ABCA2: variants seen among roughly 807,000 people sequenced by gnomAD.
The protein encoded by ABCA2 is ATP binding cassette subfamily A member 2, also known as ATP-binding cassette sub-family A member 2.
Under a neutral mutation model 262.8 loss-of-function variants are expected in ABCA2, and 84 were observed. The observed-to-expected ratio is 0.32, with a 90% confidence interval of 0.27 to 0.38. The LOEUF is 0.38. Among genes scored for constraint, ABCA2 ranks in the 10% least tolerant of loss-of-function variants. The pLI is 1.00. For missense variants in ABCA2, 2,662 were observed against 3,405.9 expected (o/e 0.78, Z 5.44); for synonymous variants, 1,696 against 1,502.9 (o/e 1.13, Z -2.97).
chr9:137,018,011 G>A lies in ABCA2; in HGVS notation c.2058C>T (p.Tyr686=), dbSNP rs770886822. The A allele has an allele frequency of 3.7e-6, 6 of 1,612,794 alleles. No homozygotes were observed. Among genetic ancestry groups the A allele is most frequent in the East Asian group, 2.2e-5 (1 of 44,876 alleles). Residue 686 remains tyrosine (Y), a synonymous_variant, in exon 15 of 49, where the codon TAC becomes TAT. Transcript: ENST00000341511. ...VGHDVVEPGS[Y]VQMFPYPCYT... is the part of the protein sequence containing the mutation. Reference sequence around the variant, plus strand: ...AGCAGGGGTAGGGGAACATCTGCACGTAGCTGCCTGGCTCCACCACATCGT... The same window carrying A: ...AGCAGGGGTAGGGGAACATCTGCACATAGCTGCCTGGCTCCACCACATCGT...
chr9:137,021,315 C>G lies in ABCA2; in HGVS notation c.897+77G>C. On this transcript the variant is annotated intron_variant, in intron 8 of 48. Coordinates refer to ENST00000341511, the MANE Select transcript of ABCA2 (RefSeq NM_001606.5). The surrounding 1 kb of genome is among the most constrained non-coding windows in gnomAD (Gnocchi z 6.0). ...ACAGCCTGGGCCCAGGAGCCCTGAG[C>G]TCTCCAAGCGGTCCCAGCCCCTCCT... The G allele has an allele frequency of 6.5e-7, 1 of 1,537,428 alleles. No homozygotes were observed. The highest frequency in any genetic ancestry group is 8.8e-7 in the Non-Finnish European group (1 of 1,138,348).
chr9:137,014,560 C>A lies in ABCA2; in HGVS notation c.4003+130G>T, dbSNP rs536901975. ...CACCCACCTAGGACCGCAGGCTAAC[C>A]CCGGGGCGTCCCCTGGCTTCCACCC... On this transcript the variant is annotated intron_variant, in intron 26 of 48. Transcript: ENST00000341511. 2.0e-5 allele frequency: 30 copies of A among 1,481,934 alleles called. No individual in the cohort carries two copies. The South Asian group carries it at 3.4e-4, about 17-fold the overall frequency. 91.8% of individuals were successfully genotyped at this position (1,481,934 alleles called of 1,614,324 possible).
Position 137,011,657 on chromosome 9 carries a change from G to A in ABCA2, c.5628C>T (p.Val1876=). The change falls in exon 36 of 49, where the codon GTC becomes GTT. Residue 1876 remains valine, a synonymous_variant. Coordinates refer to ENST00000341511, the MANE Select transcript of ABCA2 (RefSeq NM_001606.5). The surrounding 1 kb of genome is among the most constrained non-coding windows in gnomAD (Gnocchi z 8.8). ...AYTSPTNFPA[V]LSLFLLYGWS... ...ACCCATAGAGCAGGAAGAGGGAGAG[G>A]ACGGCAGGGAAGTTGGTGGGCGACG... The A allele has an allele frequency of 1.9e-6, 3 of 1,554,232 alleles. No individual in the cohort carries two copies.
rs1383063647 is a variant in ABCA2, at chr9:137,010,108, G to A, written c.6370C>T (p.Leu2124Phe). The change falls in exon 42 of 49, where the codon CTC (leucine) becomes TTC (phenylalanine). Residue 2124 changes from leucine to phenylalanine, a missense_variant. By Grantham distance (22) the Leu-to-Phe change is conservative. This residue lies in a region of ABCA2 where 602 missense variants were observed against 897.4 expected (regional missense o/e 0.67). Transcript: ENST00000341511. ...VNGHSVLKEL[L>F]QVQQSLGYCP... ...TAGCCGAGGCTCTGCTGCACCTGGA[G>A]CAGCTCCTTCAGCACGCTGGGGACA... The A allele has an allele frequency of 6.3e-7, 1 of 1,595,682 alleles. No individual in the cohort carries two copies. The highest frequency in any genetic ancestry group is 1.1e-5 in the South Asian group (1 of 90,068).
rs761099439 is a variant in ABCA2 at position 137,022,778 on chromosome 9, G to A, written c.363C>T (p.Leu121=). The A allele has an allele frequency of 4.4e-6, 7 of 1,600,054 alleles. No individual in the cohort carries two copies. The highest frequency in any genetic ancestry group is 2.3e-5 in the East Asian group (1 of 44,296). The part of the protein sequence containing the change: ...DPARPSLGSE[L]EALRQHLEAL... The stretch of plus-strand genomic sequence containing the variant: ...CCTCCAGATGCTGGCGTAGGGCCTC[G>A]AGCTCTGAGCCCAGGCTGGGCCGCG... The change falls in exon 5 of 49, where the codon CTC becomes CTT. Residue 121 remains leucine (L), a synonymous_variant. Coordinates refer to ENST00000341511, the MANE Select transcript of ABCA2 (RefSeq NM_001606.5).
Position 137,014,024 on chromosome 9 carries a change from C to T in ABCA2, c.4255G>A (p.Ala1419Thr). The change falls in exon 28 of 49, where the codon GCC (alanine) becomes ACC (threonine). Residue 1419 changes from alanine (A) to threonine (T), a missense_variant. By Grantham distance (58) the Ala-to-Thr change is moderately conservative. Transcript: ENST00000341511. The stretch of plus-strand genomic sequence containing the variant: ...CTGCCCTGGCCGACCCTCGACAGGG[C>T]CTCTGCCTCCACCTCTGTGCAGAGA... ...NVSLQEVEAE[A>T]LSRVGQGSRK... The T allele has an allele frequency of 6.2e-7, 1 of 1,611,020 alleles. No homozygotes were observed. The highest frequency in any genetic ancestry group is 8.5e-7 in the Non-Finnish European group (1 of 1,179,822).
chr9:137,023,248 C>T, intron 3 of ABCA2, 196 bp from the exon 4 acceptor site: 1 of 628,754 alleles, frequency 1.6e-6, no homozygotes. Context: ...GGGCGAATGA[C>T]TCCAGCAGGT....
chr9:137,021,495 C>T lies in ABCA2; in HGVS notation c.794G>A (p.Arg265Gln), dbSNP rs763614356. The change falls in exon 8 of 49, where the codon CGG (arginine) becomes CAG (glutamine). Residue 265 changes from arginine (R) to glutamine (Q), a missense_variant. This residue lies in a region of ABCA2 where 403 missense variants were observed against 375.9 expected (regional missense o/e 1.07). Coordinates refer to ENST00000341511, the MANE Select transcript of ABCA2 (RefSeq NM_001606.5). This position sits in a 1 kb window ranked among gnomAD's most constrained non-coding sequence, Gnocchi z 6.0. ...AGCCTGCCCACTGCAGACAGCATCC[C>T]GGTAGCCCTGCAGGGCTCCCTTCTG... ...ESQKGALQGY[R>Q]DAVCSGQAAA... The T allele has an allele frequency of 1.1e-5, 17 of 1,610,166 alleles. No homozygotes were observed. In the South Asian group the frequency reaches 1.1e-4, roughly 10 times the overall value.
At chr9:137,023,273 C>G in intron 3 of ABCA2, 3 of 634,228 alleles carry the variant, frequency 4.7e-6, no homozygotes, top group Non-Finnish European at 8.6e-6. Flanking sequence ...GGTCAAAGAG[C>G]CACTCACCAC....
chr9:137,007,412 A>C lies in ABCA2; in HGVS notation c.*517T>G. The C allele has an allele frequency of 6.4e-6, 1 of 157,468 alleles. No homozygotes were observed. The highest frequency in any genetic ancestry group is 6.0e-5 in the Admixed American group (1 of 16,578). 9.8% of individuals were successfully genotyped at this position (157,468 alleles called of 1,614,324 possible). On this transcript the variant is annotated 3_prime_UTR_variant, in exon 49 of 49. Coordinates refer to ENST00000341511, the MANE Select transcript of ABCA2 (RefSeq NM_001606.5). Reference sequence around the variant, plus strand: ...AGCTTCTCCATTCCTGCCACCTGCCAGCTGGCCCAAGCTGATGGCTTCCCG... The same window carrying C: ...AGCTTCTCCATTCCTGCCACCTGCCCGCTGGCCCAAGCTGATGGCTTCCCG...
chr9:137,022,534 C>A, intron 5 of ABCA2, 56 bp from the exon 6 acceptor site: 4 of 1,589,938 alleles, frequency 2.5e-6, no homozygotes, highest in South Asian at 1.1e-5. Context: ...AAGGTGCCCC[C>A]ACATGCGCTC....
rs1564210938 is a variant in ABCA2 at position 137,009,519 on chromosome 9, GA to G, written c.6734+21del. ...GGGTGCTGTGGGGTGGGGGCACAAA[GA>G]GGGGGTGGGGGCGCCCTCACCTGTG... On this transcript the variant is annotated intron_variant, in intron 44 of 48. Transcript: ENST00000341511. 4 of 1,612,078 alleles carry G rather than the reference GA, an allele frequency of 2.5e-6. No homozygotes were observed. In the East Asian group the frequency reaches 6.7e-5, roughly 27 times the overall value.
intron 33 of ABCA2, 40 bp downstream of exon 33, chr9:137,012,225 C>T (rs1303109657): frequency 2.0e-6 from 3 of 1,530,210 alleles, no homozygotes; most frequent in Admixed American, 3.5e-5. Flanking sequence ...CCGGCCCCAG[C>T]TCCTCCCCGC....
In ABCA2 at chr9:137,014,800, C is replaced by T. The variant is rs370357831; in HGVS notation, c.3893G>A (p.Arg1298His). 53 of 1,600,014 alleles carry T rather than the reference C, an allele frequency of 3.3e-5. No homozygotes were observed. Among genetic ancestry groups the T allele is most frequent in the Admixed American group, 2.4e-4 (14 of 57,686 alleles). The change falls in exon 26 of 49, where the codon CGC (arginine) becomes CAC (histidine). Residue 1298 changes from arginine to histidine, a missense_variant. Arg to His is a conservative substitution (Grantham distance 29). Coordinates refer to ENST00000341511, the MANE Select transcript of ABCA2 (RefSeq NM_001606.5). ...GCTGAGGTGCAGTGCATCCAGGCTG[C>T]GCTCCAGGTGCTGCAGGGGCGGTGG... ...AFERLFQHLERSLDALHLSSF... is the reference protein window; with the variant it reads ...AFERLFQHLEHSLDALHLSSF...
chr9:137,027,272 C>T (rs1424058033), intron 1 of ABCA2, among the ~76,000 whole-genome samples: 1 of 152,252 alleles, frequency 6.6e-6, no homozygotes, highest in East Asian at 1.9e-4. Context: ...TATCCCCAAG[C>T]CCCTCGCTCC....
rs771124352 is a variant in ABCA2 at position 137,012,311 on chromosome 9, G to A, written c.5253C>T (p.Ile1751=). 13 of 1,611,978 alleles carry A rather than the reference G, an allele frequency of 8.1e-6. No homozygotes were observed. The highest frequency in any genetic ancestry group is 7.7e-5 in the South Asian group (7 of 91,066). Residue 1751 remains isoleucine, a synonymous_variant, in exon 33 of 49, where the codon ATC becomes ATT. Transcript: ENST00000341511. Reference sequence around the variant, plus strand: ...TGCTCTTGGGCAGGTTGGCACGCAGGATGGCGTTGTTGAGGCTGTTGAGGT... The same window carrying A: ...TGCTCTTGGGCAGGTTGGCACGCAGAATGGCGTTGTTGAGGCTGTTGAGGT... ...PTYLNSLNNA[I]LRANLPKSKG...
At chr9:137,013,740 G>C (rs1831153740) in intron 28 of ABCA2, 92 bp downstream of exon 28, 4 of 1,451,360 alleles carry the variant, frequency 2.8e-6, no homozygotes, top group Non-Finnish European at 3.7e-6. Flanking sequence ...GTGAGGCCCA[G>C]AGTCAGGAAG....
Position 137,009,630 on chromosome 9 carries a change from T to G in ABCA2, c.6645A>C (p.Thr2215=). The change falls in exon 44 of 49, where the codon ACA becomes ACC. Residue 2215 remains threonine (T), a synonymous_variant. Transcript: ENST00000341511. ...PAFIFLDEPT[T]GMDPKARRFL... ...AGCGCCGGGCCTTGGGGTCCATGCCTGTGGTGGGCTCGTCCTGGGGATGGG... is the reference window on the plus strand; with the variant it reads ...AGCGCCGGGCCTTGGGGTCCATGCCGGTGGTGGGCTCGTCCTGGGGATGGG... 6.2e-7 allele frequency: 1 copy of G among 1,612,798 alleles called. No individual in the cohort carries two copies. Among genetic ancestry groups the G allele is most frequent in the South Asian group, 1.1e-5 (1 of 91,086 alleles).
Position 137,018,791 on chromosome 9 carries a change from A to C in ABCA2, c.1747T>G (p.Phe583Val). 1 of 1,612,658 alleles carries C rather than the reference A, an allele frequency of 6.2e-7. No homozygotes were observed. Among genetic ancestry groups the C allele is most frequent in the Middle Eastern group, 1.7e-4 (1 of 6,032 alleles). Residue 583 changes from phenylalanine to valine, a missense_variant, in exon 13 of 49, where the codon TTC becomes GTC. Phe to Val is a conservative substitution (Grantham distance 50). Coordinates refer to ENST00000341511, the MANE Select transcript of ABCA2 (RefSeq NM_001606.5). Reference sequence around the variant, plus strand: ...TTGACAATGCTCTCCTCGTCGGGGAAGCCCTTGAAGATGTCCACGCTCACC... The same window carrying C: ...TTGACAATGCTCTCCTCGTCGGGGACGCCCTTGAAGATGTCCACGCTCACC... ...SKVSVDIFKGFPDEESIVNYT... is the reference protein window; with the variant it reads ...SKVSVDIFKGVPDEESIVNYT...
Sources: gnomAD v4.1 joint callset for allele counts (sites outside exome capture counted in the v4.1 genomes callset) on GRCh38, gnomAD v4.1.1 for gene constraint, gnomAD v4.1.1 regional missense constraint, Gnocchi (gnomAD v3.1) non-coding constraint, MANE v1.5 for transcripts, NCBI Gene and HGNC (gene_info 2026-07-23, HGNC 2026-07-21) for gene names.